PLCH1: variants seen among roughly 807,000 people sequenced by gnomAD.
PLCH1 encodes 1-phosphatidylinositol 4,5-bisphosphate phosphodiesterase eta-1.
A neutral mutation model predicts 126.7 loss-of-function variants in PLCH1; 60 were observed. The ratio of observed to expected loss-of-function variants is 0.47; its 90% CI spans 0.38 to 0.59. The LOEUF is 0.59. PLCH1 is among the 20% of genes least tolerant of loss of function. The pLI is 0.00. For synonymous variants in PLCH1, 719 were observed against 734.9 expected, an observed-to-expected ratio of 0.98 and a Z score of 0.35; for missense variants, 1,723 against 2,040.0, an observed-to-expected ratio of 0.84 and a Z score of 2.99.
At chr3:155,549,298 G>C (rs1725794565) in intron 10 of PLCH1, among the ~76,000 whole-genome samples, 1 of 152,164 alleles carries the variant, frequency 6.6e-6, no homozygotes, top group African/African-American at 2.4e-5. Context: ...TTATGTCTGT[G>C]CCTGTGTTCC....
intron 1 of PLCH1, among the ~76,000 whole-genome samples, chr3:155,706,556 G>T (rs969707854): frequency 1.9e-4 from 29 of 151,378 alleles, no homozygotes; most frequent in African/African-American, 6.6e-4. Context: ...GGAGGCGGAG[G>T]TTGCAGTGAG....
chr3:155,489,509 A>ATAAT (rs1715845283), intron 19 of PLCH1, among the ~76,000 whole-genome samples: 1 of 152,202 alleles, frequency 6.6e-6, no homozygotes, highest in Admixed American at 6.5e-5. Flanking sequence ...TTCATAGACA[A>ATAAT]TAATGTGCCC....
chr3:155,583,709 T>C, intron 5 of PLCH1, 67 bp from the exon 6 acceptor site: 2 of 1,095,022 alleles, frequency 1.8e-6, no homozygotes, highest in Admixed American at 2.9e-5. Flanking sequence ...TACTGGGAAA[T>C]AATATTTACT....
chr3:155,662,312 T>C (rs886690678), intron 2 of PLCH1, among the ~76,000 whole-genome samples: 2 of 151,882 alleles, frequency 1.3e-5, no homozygotes, highest in African/African-American at 4.8e-5. Context: ...AATATTTAAT[T>C]AAAAAATTAG....
intron 21 of PLCH1, among the ~76,000 whole-genome samples, chr3:155,474,771 T>G (rs1172670177): frequency 8.9e-6 from 1 of 112,432 alleles, no homozygotes; most frequent in Non-Finnish European, 1.7e-5. Flanking sequence ...GTTCATGTCC[T>G]TTGTAGGGAC....
chr3:155,599,058 A>T (rs1177320920), intron 2 of PLCH1, among the ~76,000 whole-genome samples: 2 of 124,994 alleles, frequency 1.6e-5, no homozygotes, highest in African/African-American at 6.2e-5. Flanking sequence ...GTAGCCATCT[A>T]CCTTTTTCAA....
intron 3 of PLCH1, 62 bp downstream of exon 3, chr3:155,596,170 A>C (rs1325782232): frequency 1.3e-5 from 16 of 1,230,766 alleles, no homozygotes; most frequent in African/African-American, 3.0e-5. Flanking sequence ...TCAAGAGCCC[A>C]CTCAGTATAA....
chr3:155,667,234 C>G (rs1179679620), intron 2 of PLCH1, among the ~76,000 whole-genome samples: 3 of 152,128 alleles, frequency 2.0e-5, no homozygotes, highest in Admixed American at 2.0e-4. Context: ...ATTCCATACT[C>G]TCCCCCACTG....
intron 21 of PLCH1, among the ~76,000 whole-genome samples, chr3:155,455,594 T>G (rs1184903308): frequency 6.6e-6 from 1 of 152,244 alleles, no homozygotes; most frequent in East Asian, 1.9e-4. Flanking sequence ...TGAGAAATAT[T>G]GGTTCTGGGA....
chr3:155,472,260 C>A (rs1313805746), intron 21 of PLCH1, among the ~76,000 whole-genome samples: 9 of 152,016 alleles, frequency 5.9e-5, no homozygotes, highest in Non-Finnish European at 1.0e-4. Flanking sequence ...CCACCGATCC[C>A]ACAGAAATAC....
chr3:155,722,736 A>T (rs1748044599), intron 1 of PLCH1, among the ~76,000 whole-genome samples: 1 of 152,108 alleles, frequency 6.6e-6, no homozygotes, highest in South Asian at 2.1e-4. Flanking sequence ...TATTTTGTTG[A>T]GGAATTTTGC....
chr3:155,483,447 G>A, intron 22 of PLCH1: 1 of 1,008,002 alleles, frequency 9.9e-7, no homozygotes, highest in Non-Finnish European at 1.4e-6. Flanking sequence ...GTACCTGTAA[G>A]CAAGATACTA....
chr3:155,644,054 G>A (rs1043498912), intron 2 of PLCH1, among the ~76,000 whole-genome samples: 6 of 151,902 alleles, frequency 3.9e-5, no homozygotes, highest in African/African-American at 1.5e-4. Flanking sequence ...ATCACACACT[G>A]GAAAAAACAG....
intron 2 of PLCH1, among the ~76,000 whole-genome samples, chr3:155,601,531 G>GAT (rs1296039907): frequency 1.3e-5 from 2 of 151,588 alleles, no homozygotes. Context: ...ATGTCATTTG[G>GAT]ATATATATAC....
At chr3:155,650,626 T>G (rs1740603052) in intron 2 of PLCH1, among the ~76,000 whole-genome samples, 1 of 152,196 alleles carries the variant, frequency 6.6e-6, no homozygotes, top group Non-Finnish European at 1.5e-5. Flanking sequence ...TCATAACATA[T>G]GTGACGCACA....
intron 2 of PLCH1, among the ~76,000 whole-genome samples, chr3:155,664,167 C>G (rs1742478747): frequency 6.6e-6 from 1 of 152,204 alleles, no homozygotes; most frequent in African/African-American, 2.4e-5. Context: ...AGAGGGGATT[C>G]AGCTGGGACT....
intron 4 of PLCH1, among the ~76,000 whole-genome samples, chr3:155,592,327 CAAAAAA>C (rs11426252): frequency 2.4e-5 from 3 of 122,798 alleles, no homozygotes; most frequent in Non-Finnish European, 5.0e-5. Flanking sequence ...ACTAAAAATA[CAAAAAA>C]AAAAAAAAAA....
intron 2 of PLCH1, among the ~76,000 whole-genome samples, chr3:155,667,902 T>TAAAAAAAAA (rs766010793): frequency 2.4e-3 from 231 of 94,980 alleles, no homozygotes; most frequent in African/African-American, 5.5e-3. Context: ...CCATCTCTAC[T>TAAAAAAAAA]TAAAAAAAAA....
rs1013997461 is a variant in PLCH1, at chr3:155,497,212, C to T, written c.1894+108G>A. ...ACACTCAAATTGGTTTCTACATAGTCCCAAAAATGTGTGTTGATAATGGGA... is the reference window on the plus strand; with the variant it reads ...ACACTCAAATTGGTTTCTACATAGTTCCAAAAATGTGTGTTGATAATGGGA... On this transcript the variant is annotated intron_variant, in intron 15 of 22. Transcript: ENST00000460012. 11 of 764,278 alleles carry T rather than the reference C, an allele frequency of 1.4e-5. No individual in the cohort carries two copies. The Admixed American group carries it at 1.6e-4, about 11-fold the overall frequency. 47.3% of individuals were successfully genotyped at this position (764,278 alleles called of 1,614,324 possible). A position where few individuals can be genotyped will look rare whatever the true frequency, so the allele number is the denominator to read the frequency against.
Sources: gnomAD v4.1 joint callset for allele counts (sites outside exome capture counted in the v4.1 genomes callset) on GRCh38, gnomAD v4.1.1 for gene constraint, MANE v1.5 for transcripts, NCBI Gene and HGNC (gene_info 2026-07-23, HGNC 2026-07-21) for gene names.